The following SAP130 variants were observed in gnomAD, a reference collection of about 807,000 sequenced individuals.
SAP130 encodes the protein histone deacetylase complex subunit SAP130.
A neutral mutation model predicts 103.2 loss-of-function variants in SAP130; 16 were observed. That is an observed-to-expected ratio of 0.16 (90% CI 0.10 to 0.24). The LOEUF (loss-of-function observed/expected upper bound fraction) is 0.24. SAP130 is among the 10% of genes least tolerant of loss of function. The pLI, the probability that SAP130 is intolerant of heterozygous loss-of-function variation, is 1.00. For missense variants in SAP130, 990 were observed against 1,359.7 expected (o/e 0.73, Z 4.28); for synonymous variants, 477 against 497.0 (o/e 0.96, Z 0.53).
chr2:128,017,739 C>G lies in SAP130; in HGVS notation c.289G>C (p.Ala97Pro), dbSNP rs1487100558. The G allele has an allele frequency of 3.7e-6, 6 of 1,614,098 alleles. No homozygotes were observed. In the African/African-American group the frequency reaches 5.3e-5, roughly 14 times the overall value. The change falls in exon 3 of 21, where the codon GCC becomes CCC. Residue 97 changes from alanine (A) to proline (P), a missense_variant. By Grantham distance (27) the Ala-to-Pro change is conservative. Coordinates refer to ENST00000643581, the MANE Select transcript of SAP130 (RefSeq NM_001330301.2). ...VASATPVAVT[A>P]PPAHLTPAVP... is the part of the protein sequence containing the mutation. ...GCTGGCGTCAGGTGTGCTGGCGGGG[C>G]TGTCACTGCAACAGGTGTGGCTGAT... is the stretch of plus-strand genomic sequence containing the variant.
intron 15 of SAP130, among the ~76,000 whole-genome samples, chr2:127,973,414 T>A (rs1027133794): frequency 6.6e-6 from 1 of 152,172 alleles, no homozygotes; most frequent in Non-Finnish European, 1.5e-5. Context: ...GTATTTTTAG[T>A]AGAGAGGGGG....
chr2:128,003,957 C>CTTGTTTTTT (rs1683763494), intron 7 of SAP130, among the ~76,000 whole-genome samples: 1 of 67,878 alleles, frequency 1.5e-5, no homozygotes, highest in African/African-American at 4.7e-5. Flanking sequence ...CACAGATCAG[C>CTTGTTTTTT]TTTTTTTTTT....
At chr2:127,954,597 G>A (rs1055873033) in intron 16 of SAP130, among the ~76,000 whole-genome samples, 1 of 152,138 alleles carries the variant, frequency 6.6e-6, no homozygotes, top group Non-Finnish European at 1.5e-5. Flanking sequence ...TTACTTGATT[G>A]TATAACAAGG....
intron 5 of SAP130, among the ~76,000 whole-genome samples, chr2:128,014,287 C>T (rs1392525090): frequency 6.6e-6 from 1 of 151,922 alleles, no homozygotes; most frequent in African/African-American, 2.4e-5. Context: ...TGCAGCGGCG[C>T]AATCTCAACT....
intron 15 of SAP130, among the ~76,000 whole-genome samples, chr2:127,957,004 A>G (rs907914811): frequency 2.0e-5 from 3 of 152,196 alleles, no homozygotes; most frequent in Admixed American, 2.0e-4. Flanking sequence ...AACCTATAGA[A>G]ATGAAAATAT....
rs186437114 is a variant in SAP130, at chr2:127,958,061, T to C, written c.2064-2717A>G. Among the ~76,000 whole-genome samples, 75 of 152,320 alleles carry C rather than the reference T, an allele frequency of 4.9e-4. No homozygotes were observed. The East Asian group carries it at 0.014, about 28-fold the overall frequency. ...AACCAACTGGTACAACAAACCACCATGGCACATGTATACCTATGTAACAAA... is the reference window on the plus strand; with the variant it reads ...AACCAACTGGTACAACAAACCACCACGGCACATGTATACCTATGTAACAAA... On this transcript the variant is annotated intron_variant, in intron 15 of 20. Coordinates refer to ENST00000643581, the MANE Select transcript of SAP130 (RefSeq NM_001330301.2).
At chr2:127,977,335 C>CA (rs36038328) in intron 15 of SAP130, among the ~76,000 whole-genome samples, 90,413 of 111,754 alleles carry the variant, frequency 0.81, 35,945 homozygotes, top group Middle Eastern at 0.85. Context: ...ACTTAAAATA[C>CA]AAAAAAAAAA....
rs1372638418 is a variant in SAP130 at position 127,955,898 on chromosome 2, A to G, written c.2064-554T>C. On this transcript the variant is annotated intron_variant, in intron 15 of 20. Coordinates refer to ENST00000643581, the MANE Select transcript of SAP130 (RefSeq NM_001330301.2). This position sits in a 1 kb window ranked among gnomAD's most constrained non-coding sequence, Gnocchi z 4.9. Reference sequence around the variant, plus strand: ...CCCAAGTTTTTATAAGCAGTAATAAAATTAACTAAGAAAATAACACTTTAA... The same window carrying G: ...CCCAAGTTTTTATAAGCAGTAATAAGATTAACTAAGAAAATAACACTTTAA... Among the ~76,000 whole-genome samples the G allele has an allele frequency of 6.6e-6, 1 of 152,220 alleles. No individual in the cohort carries two copies. The highest frequency in any genetic ancestry group is 1.5e-5 in the Non-Finnish European group (1 of 68,048).
intron 19 of SAP130, among the ~76,000 whole-genome samples, 198 bp downstream of exon 19, chr2:127,945,258 A>G (rs940263162): frequency 2.6e-5 from 4 of 152,250 alleles, no homozygotes; most frequent in Non-Finnish European, 4.4e-5. Flanking sequence ...TCTGGATACC[A>G]GAACTTAGAT....
intron 16 of SAP130, among the ~76,000 whole-genome samples, chr2:127,952,346 G>A (rs1302402813): frequency 6.6e-6 from 1 of 151,586 alleles, no homozygotes; most frequent in African/African-American, 2.4e-5. Context: ...CGCTACTCAG[G>A]AGGCTGAGGC....
At chr2:128,010,486 T>C in intron 6 of SAP130, 93 bp from the exon 7 acceptor site, 1 of 1,204,780 alleles carries the variant, frequency 8.3e-7, no homozygotes, top group Non-Finnish European at 1.2e-6. Flanking sequence ...AGCCTACAGA[T>C]AAGCATGTTT....
In SAP130 at chr2:127,973,902, C is replaced by T. The variant is rs751238141; in HGVS notation, c.2063+4083G>A. Among the ~76,000 whole-genome samples, 6 of 151,916 alleles carry T rather than the reference C, an allele frequency of 3.9e-5. No homozygotes were observed. The East Asian group carries it at 5.8e-4, about 15-fold the overall frequency. ...CAGCCTGGGCAACATGGTGAAACCC[C>T]GTTTCGACAAAAAAATACAAAAATG... is the stretch of plus-strand genomic sequence containing the variant. On this transcript the variant is annotated intron_variant, in intron 15 of 20. Transcript: ENST00000643581.
chr2:127,983,823 GT>G (rs879920789), intron 14 of SAP130, among the ~76,000 whole-genome samples: 6 of 79,286 alleles, frequency 7.6e-5, no homozygotes, highest in African/African-American at 2.9e-4. Flanking sequence ...TTACTTTGTT[GT>G]TTTTTTTTTT....
At chr2:127,952,857 T>C (rs1019366952) in intron 16 of SAP130, among the ~76,000 whole-genome samples, 1 of 152,202 alleles carries the variant, frequency 6.6e-6, no homozygotes, top group Non-Finnish European at 1.5e-5. Flanking sequence ...CATCTCATGA[T>C]AGCACAACAC....
At chr2:127,961,568 T>C (rs1043157596) in intron 15 of SAP130, among the ~76,000 whole-genome samples, 2 of 151,134 alleles carry the variant, frequency 1.3e-5, no homozygotes, top group Admixed American at 6.6e-5. Context: ...CTTGTAACCA[T>C]ATTTTATTTA....
intron 6 of SAP130, among the ~76,000 whole-genome samples, chr2:128,011,628 T>A: frequency 6.6e-6 from 1 of 152,160 alleles, no homozygotes; most frequent in Non-Finnish European, 1.5e-5. Flanking sequence ...CTAATACTCC[T>A]CCGACTCTGT....
At chr2:127,980,680 A>G (rs1056012382) in intron 14 of SAP130, among the ~76,000 whole-genome samples, 3 of 152,218 alleles carry the variant, frequency 2.0e-5, no homozygotes, top group Non-Finnish European at 4.4e-5. Flanking sequence ...CCAGGTGCTC[A>G]CGCATGTAAT....
chr2:127,993,761 T>C (rs1682978229), intron 11 of SAP130, among the ~76,000 whole-genome samples: 1 of 152,218 alleles, frequency 6.6e-6, no homozygotes, highest in Admixed American at 6.5e-5. Context: ...TTTATTTTTT[T>C]AGAGACAGGG....
intron 10 of SAP130, among the ~76,000 whole-genome samples, chr2:127,998,370 T>C (rs185696184): frequency 2.0e-5 from 3 of 152,310 alleles, no homozygotes; most frequent in Non-Finnish European, 2.9e-5. Flanking sequence ...AGGCTTTTTT[T>C]CTGAGCCAAC....
Sources: gnomAD v4.1 joint callset for allele counts (sites outside exome capture counted in the v4.1 genomes callset) on GRCh38, gnomAD v4.1.1 for gene constraint, Gnocchi (gnomAD v3.1) non-coding constraint, MANE v1.5 for transcripts, NCBI Gene and HGNC (gene_info 2026-07-23, HGNC 2026-07-21) for gene names.